The following VAV3 variants were observed in gnomAD, a reference collection of about 807,000 sequenced individuals.
VAV3 encodes vav guanine nucleotide exchange factor 3.
Under a neutral mutation model 131.2 loss-of-function variants are expected in VAV3, and 94 were observed. That is an observed-to-expected ratio of 0.72 (90% confidence interval 0.61 to 0.85). The LOEUF (loss-of-function observed/expected upper bound fraction) is 0.85. Ranked by LOEUF, VAV3 falls within the 40% of genes least tolerant of loss-of-function variation. VAV3 has a pLI of 0.00. For synonymous variants in VAV3, 349 were observed against 342.0 expected (o/e 1.02, Z -0.22); for missense variants, 939 against 1,002.7 (o/e 0.94, Z 0.86).
At chr1:107,594,361 G>A (rs769284474) in intron 25 of VAV3, among the ~76,000 whole-genome samples, 46 of 152,008 alleles carry the variant, frequency 3.0e-4, no homozygotes, top group Non-Finnish European at 4.7e-4. Flanking sequence ...TCTGTTTAAC[G>A]AATGAATGAA....
chr1:107,858,825 A>G (rs1440928549), intron 2 of VAV3, among the ~76,000 whole-genome samples: 1 of 152,198 alleles, frequency 6.6e-6, no homozygotes, highest in Non-Finnish European at 1.5e-5. Context: ...AATGCTCCAT[A>G]GAAATGAAAT....
chr1:107,661,545 A>G (rs746388012), intron 19 of VAV3, among the ~76,000 whole-genome samples: 20 of 152,202 alleles, frequency 1.3e-4, no homozygotes, highest in Non-Finnish European at 1.9e-4. Context: ...CTTGAATATA[A>G]GCTTTACAAG....
At chr1:107,581,559 A>G (rs1650053202) in intron 25 of VAV3, among the ~76,000 whole-genome samples, 1 of 152,226 alleles carries the variant, frequency 6.6e-6, no homozygotes, top group Non-Finnish European at 1.5e-5. Flanking sequence ...GCATAGCCAT[A>G]ATAACTGACT....
At chr1:107,897,255 A>C (rs535944436) in intron 1 of VAV3, 25 of 151,154 alleles carry the variant, frequency 1.7e-4, no homozygotes, top group African/African-American at 5.6e-4. Context: ...ACATATGCCT[A>C]CTACTACTTT....
intron 10 of VAV3, among the ~76,000 whole-genome samples, chr1:107,758,414 A>G (rs1479619965): frequency 2.0e-5 from 3 of 152,062 alleles, no homozygotes; most frequent in Non-Finnish European, 4.4e-5. Context: ...TACAAAAAAA[A>G]ATTAAAAATT....
chr1:107,582,929 G>A (rs1275029332), intron 25 of VAV3, among the ~76,000 whole-genome samples: 1 of 152,020 alleles, frequency 6.6e-6, no homozygotes, highest in Non-Finnish European at 1.5e-5. Context: ...TATATACCCA[G>A]TAATGGGATG....
Position 107,765,107 on chromosome 1 carries a change from T to C in VAV3, c.890A>G (p.Lys297Arg). 6.2e-7 allele frequency: 1 copy of C among 1,613,504 alleles called. No individual in the cohort carries two copies. The highest frequency in any genetic ancestry group is 2.2e-5 in the East Asian group (1 of 44,824). ...TTTCAGTTTGACATCTTCTTTTGTC[T>C]TAGAAATGTAGTCTAAACTAGAGAT... ...SAISSLDYIS[K>R]TKEDVKLKLE... Residue 297 changes from lysine (K) to arginine (R), a missense_variant, in exon 9 of 27, where the codon AAG becomes AGG. Physicochemically the swap from Lys to Arg is conservative, Grantham distance 26. Transcript: ENST00000370056.
intron 2 of VAV3, among the ~76,000 whole-genome samples, chr1:107,823,631 T>C (rs528182549): frequency 6.6e-6 from 1 of 152,314 alleles, no homozygotes; most frequent in East Asian, 1.9e-4. Context: ...CGAGACTGTC[T>C]GTTAATGGAC....
intron 19 of VAV3, chr1:107,673,628 CA>C (rs1413377234): frequency 1.3e-5 from 2 of 152,186 alleles, no homozygotes; most frequent in Non-Finnish European, 2.9e-5. Context: ...TGAGGGAAAA[CA>C]CATCTTGTTC....
At chr1:107,676,668 G>A (rs1344755703) in intron 19 of VAV3, among the ~76,000 whole-genome samples, 1 of 151,942 alleles carries the variant, frequency 6.6e-6, no homozygotes, top group Non-Finnish European at 1.5e-5. Flanking sequence ...CATATTGGTT[G>A]GTATATAATT....
intron 1 of VAV3, among the ~76,000 whole-genome samples, chr1:107,877,031 T>G (rs1240287285): frequency 6.6e-6 from 1 of 152,172 alleles, no homozygotes; most frequent in African/African-American, 2.4e-5. Flanking sequence ...TAGGCTTAAC[T>G]TAGACACACT....
intron 20 of VAV3, among the ~76,000 whole-genome samples, chr1:107,634,258 T>C (rs1264321782): frequency 1.3e-5 from 2 of 152,156 alleles, no homozygotes; most frequent in Non-Finnish European, 2.9e-5. Flanking sequence ...AGCATGGTAC[T>C]GGTACCAAAA....
intron 20 of VAV3, among the ~76,000 whole-genome samples, chr1:107,624,972 G>C (rs1012958766): frequency 2.6e-5 from 4 of 152,096 alleles, no homozygotes; most frequent in African/African-American, 9.7e-5. Flanking sequence ...AACCTGTGAG[G>C]TGATAATTTG....
chr1:107,650,239 T>C (rs1319999516), intron 19 of VAV3, among the ~76,000 whole-genome samples: 1 of 152,098 alleles, frequency 6.6e-6, no homozygotes, highest in Admixed American at 6.6e-5. Context: ...ATTTTATTAC[T>C]CCTTTCCTAC....
At chr1:107,847,096 T>A (rs967175588) in intron 2 of VAV3, among the ~76,000 whole-genome samples, 5 of 152,006 alleles carry the variant, frequency 3.3e-5, no homozygotes, top group African/African-American at 1.2e-4. Flanking sequence ...TGCACTCAAA[T>A]CAGGACTCAG....
chr1:107,749,364 G>A (rs1663558356), intron 14 of VAV3, 98 bp downstream of exon 14: 1 of 1,316,488 alleles, frequency 7.6e-7, no homozygotes, highest in South Asian at 1.5e-5. Flanking sequence ...AAAAACATCT[G>A]GATTGATAAG....
rs116462059 is a variant in VAV3, at chr1:107,841,267, T to C, written c.321+33634A>G. 3.5e-3 allele frequency among the ~76,000 whole-genome samples: 526 copies of C among 152,158 alleles called. 1 individual carries two copies. The highest frequency in any genetic ancestry group is 0.012 in the African/African-American group (492 of 41,504). ...AAGTTCTTGTCCTCAACAAAGTTCA[T>C]ATTCTGGTGTATTTAGGGGAAAGGG... On this transcript the variant is annotated intron_variant, in intron 2 of 26. Transcript: ENST00000370056.
At chr1:107,732,500 C>T (rs1024914797) in intron 15 of VAV3, among the ~76,000 whole-genome samples, 18 of 152,316 alleles carry the variant, frequency 1.2e-4, no homozygotes, top group Admixed American at 7.8e-4. Flanking sequence ...AATCGGGACA[C>T]TCCCGCCTTA....
chr1:107,689,451 C>A (rs1191139657), intron 17 of VAV3, among the ~76,000 whole-genome samples: 1 of 152,120 alleles, frequency 6.6e-6, no homozygotes, highest in East Asian at 1.9e-4. Flanking sequence ...TTGCTTTACA[C>A]AAGAAGATTG....
Sources: allele counts gnomAD v4.1 joint callset (sites outside exome capture counted in the v4.1 genomes callset), GRCh38; gene constraint gnomAD v4.1.1; transcripts MANE v1.5; gene names NCBI Gene and HGNC (gene_info 2026-07-23, HGNC 2026-07-21).